Variants in FAM187A observed in about 807,000 individuals in gnomAD.
The protein encoded by FAM187A is family with sequence similarity 187 member A.
In FAM187A, 4 loss-of-function variants were observed where a neutral mutation model predicts 6.4. The observed-to-expected ratio is 0.63, with a 90% CI of 0.31 to 1.44. FAM187A has a LOEUF of 1.44. Ranked by LOEUF, FAM187A falls within the 40% of genes most tolerant of loss-of-function variation. FAM187A has a pLI of 0.07. For synonymous variants in FAM187A, 221 were observed against 213.4 expected (o/e 1.04, Z -0.31); for missense variants, 463 against 542.2 (o/e 0.85, Z 1.45).
chr17:44,905,098 T>G, exon 4 of FAM187A: 1 of 1,484,560 alleles, frequency 6.7e-7, no homozygotes, highest in Non-Finnish European at 9.1e-7. Flanking sequence ...TGAAGACCAG[T>G]TGTCCTTCAA....
chr17:44,904,236 A>G, exon 4 of FAM187A: 1 of 1,550,578 alleles, frequency 6.4e-7, no homozygotes, highest in Middle Eastern at 1.7e-4. Flanking sequence ...TTTTACGCCT[A>G]CGATGTGGAC....
exon 4 of FAM187A, chr17:44,905,179 G>A (rs1288355630): frequency 2.4e-6 from 2 of 833,408 alleles, no homozygotes; most frequent in African/African-American, 1.7e-5. Flanking sequence ...AGGAACATGT[G>A]GACAAATCTG....
exon 4 of FAM187A, chr17:44,904,205 G>A (rs779408915): frequency 1.0e-5 from 16 of 1,550,500 alleles, no homozygotes; most frequent in South Asian, 8.3e-5. Context: ...GTACTTCTGC[G>A]GCACCCGCAA....
At chr17:44,904,634 GTGCCCCAGGTGC>G (rs1448125609) in exon 4 of FAM187A, 1 of 1,550,576 alleles carries the variant, frequency 6.4e-7, no homozygotes, top group South Asian at 1.2e-5. Context: ...CCGGCCCTGG[GTGCCCCAGGTGC>G]CCATTCAGTT....
exon 4 of FAM187A, chr17:44,904,966 G>T (rs2051631762): frequency 6.4e-7 from 1 of 1,550,732 alleles, no homozygotes; most frequent in African/African-American, 1.4e-5. Context: ...CGGCTGTGGA[G>T]CTCACCCTGA....
At chr17:44,903,551 G>A (rs771403611) in exon 4 of FAM187A, 22 of 1,356,562 alleles carry the variant, frequency 1.6e-5, no homozygotes, top group South Asian at 2.1e-5. Context: ...TTGGGTGAGC[G>A]CCAGTGTTCT....
chr17:44,904,412 C>A, exon 4 of FAM187A: 2 of 1,542,432 alleles, frequency 1.3e-6, no homozygotes, highest in African/African-American at 2.7e-5. Context: ...CCTCTGCTAC[C>A]TGCAGAGCCC....
At position 44,904,871 on chromosome 17, in the gene FAM187A, C is replaced by T. The variant is rs1440127190; in HGVS notation, c.1042C>T (p.Gln348Ter). The change falls in exon 4 of 4, where the codon CAG becomes TAG. Residue 348 changes from glutamine to a stop codon, truncating the protein, a stop_gained. Transcript: ENST00000331733. LOFTEE classifies it low-confidence loss of function (END_TRUNC). ...CCGGGGCATCTACTATTGCTGGAGG[C>T]AGGGTGTGCTAGTTGCTGGCTTCCG... 1 of 1,550,540 alleles carries T rather than the reference C, an allele frequency of 6.4e-7. No homozygotes were observed. Among genetic ancestry groups the T allele is most frequent in the Non-Finnish European group, 8.7e-7 (1 of 1,146,988 alleles).
chr17:44,903,583 G>T, exon 4 of FAM187A: 1 of 1,403,346 alleles, frequency 7.1e-7, no homozygotes, highest in South Asian at 1.7e-5. Context: ...TAAAGGCCAG[G>T]TTCTAGAATG....
At chr17:44,904,998 C>T (rs909610330) in exon 4 of FAM187A, 4 of 1,550,728 alleles carry the variant, frequency 2.6e-6, no homozygotes, top group African/African-American at 1.4e-5. Flanking sequence ...CTCATCACAG[C>T]AGTCTTTGTC....
Position 44,904,617 on chromosome 17 carries a change from TG to T in FAM187A, c.791del (p.Gly264AlafsTer50). On this transcript the variant is annotated frameshift_variant, in exon 4 of 4. Transcript: ENST00000331733. LOFTEE classifies it low-confidence loss of function (END_TRUNC). ...GCCATCATTAACTATGTGTCCAAAGTGGGCAGCCGGCCCTGGGTGCCCCAGG... is the reference window on the plus strand; with the variant it reads ...GCCATCATTAACTATGTGTCCAAAGTGGCAGCCGGCCCTGGGTGCCCCAGG... 1 of 1,550,540 alleles carries T rather than the reference TG, an allele frequency of 6.4e-7. No homozygotes were observed. Among genetic ancestry groups the T allele is most frequent in the Non-Finnish European group, 8.7e-7 (1 of 1,146,990 alleles).
exon 4 of FAM187A, chr17:44,905,260 G>T: frequency 1.7e-6 from 1 of 597,290 alleles, no homozygotes; most frequent in Non-Finnish European, 3.0e-6. Context: ...CCTGAGGCTG[G>T]TGGGAGATTG....
Position 44,904,750 on chromosome 17 carries a change from CT to C in FAM187A, c.922del (p.Tyr308ThrfsTer6), listed in dbSNP as rs1460051021. On this transcript the variant is annotated frameshift_variant, in exon 4 of 4. Transcript: ENST00000331733. LOFTEE classifies it low-confidence loss of function (END_TRUNC). The stretch of plus-strand genomic sequence containing the variant: ...CCTGGGACAAAGACCGCCAGCACCT[CT>C]ACCGCACACAGTACCTGAAGGGTGT... 1 of 1,550,520 alleles carries C rather than the reference CT, an allele frequency of 6.4e-7. No individual in the cohort carries two copies.
chr17:44,903,872 C>T, exon 4 of FAM187A: 3 of 1,367,810 alleles, frequency 2.2e-6, no homozygotes, highest in Non-Finnish European at 3.0e-6. Flanking sequence ...GGCATGGGGG[C>T]TCCAGGCCTT....
At chr17:44,903,671 T>C in exon 4 of FAM187A, 1 of 1,435,522 alleles carries the variant, frequency 7.0e-7, no homozygotes, top group South Asian at 1.5e-5. Flanking sequence ...TAAATTGCCT[T>C]GCACTTGGCG....
chr17:44,903,996 A>G (rs1462714436), exon 4 of FAM187A: 2 of 1,550,520 alleles, frequency 1.3e-6, no homozygotes, highest in Admixed American at 2.0e-5. Flanking sequence ...TGTCACTGCA[A>G]ACCCGAAGAG....
At chr17:44,903,717 G>A in exon 4 of FAM187A, 4 of 1,444,596 alleles carry the variant, frequency 2.8e-6, no homozygotes, top group Non-Finnish European at 3.6e-6. Flanking sequence ...TTTCCTGGCT[G>A]CATAATCCTT....
chr17:44,904,252 G>C lies in FAM187A; in HGVS notation c.423G>C (p.Gln141His), dbSNP rs2051613572. 2.6e-6 allele frequency: 4 copies of C among 1,550,490 alleles called. No individual in the cohort carries two copies. The East Asian group carries it at 7.3e-5, about 28-fold the overall frequency. The change falls in exon 4 of 4, where the codon CAG becomes CAC. Residue 141 changes from glutamine to histidine, a missense_variant. Coordinates refer to ENST00000331733, the Ensembl canonical transcript of FAM187A. ...TTTACGCCTACGATGTGGACATCCAGAACAGTGAGGGAATGGTGGCCACTT... is the reference window on the plus strand; with the variant it reads ...TTTACGCCTACGATGTGGACATCCACAACAGTGAGGGAATGGTGGCCACTT...
chr17:44,905,269 T>C (rs1305911440), exon 4 of FAM187A: 3 of 592,060 alleles, frequency 5.1e-6, no homozygotes, highest in Non-Finnish European at 9.2e-6. Context: ...GGTGGGAGAT[T>C]GGGGACTGAG....
Sources: allele counts gnomAD v4.1 joint callset, GRCh38; gene constraint gnomAD v4.1.1; transcripts MANE v1.5; gene names NCBI Gene and HGNC (gene_info 2026-07-23, HGNC 2026-07-21).